XKR9: variants seen among roughly 807,000 people sequenced by gnomAD.
XKR9 encodes the protein XK-related protein 9.
Under a neutral mutation model 32.0 loss-of-function variants are expected in XKR9, and 32 were observed. That is an observed-to-expected ratio of 1.00 (90% CI 0.76 to 1.34). The LOEUF (loss-of-function observed/expected upper bound fraction) is 1.34, where lower values mean the gene tolerates loss of function less well. XKR9 is among the 40% of genes most tolerant of loss of function. XKR9 has a pLI of 0.00. For missense variants in XKR9, 546 were observed against 429.7 expected, an observed-to-expected ratio of 1.27 and a Z score of -2.39; for synonymous variants, 168 against 143.4, an observed-to-expected ratio of 1.17 and a Z score of -1.22.
chr8:71,014,358 A>G, the XKR9 span, among the ~76,000 whole-genome samples: 1 of 152,236 alleles, frequency 6.6e-6, no homozygotes, highest in Non-Finnish European at 1.5e-5. Context: ...TCTGGAGGCC[A>G]GAAGTCTGAA....
At chr8:70,780,615 C>G (rs1182418695) in intron 2 of XKR9, among the ~76,000 whole-genome samples, 2 of 152,076 alleles carry the variant, frequency 1.3e-5, no homozygotes, top group Non-Finnish European at 2.9e-5. Flanking sequence ...TTCCCTAGAA[C>G]CTTCAGAGGA....
At chr8:70,900,729 T>C in the XKR9 span, among the ~76,000 whole-genome samples, 1 of 152,216 alleles carries the variant, frequency 6.6e-6, no homozygotes, top group Non-Finnish European at 1.5e-5. Flanking sequence ...GTTACATATG[T>C]ACACATGTGC....
intron 4 of XKR9, among the ~76,000 whole-genome samples, chr8:70,729,866 C>T (rs1402650772): frequency 6.6e-6 from 1 of 152,038 alleles, no homozygotes; most frequent in East Asian, 1.9e-4. Context: ...GATTTTTATA[C>T]CAGATAAGCC....
intron 2 of XKR9, among the ~76,000 whole-genome samples, chr8:70,780,405 C>A (rs1807598583): frequency 6.6e-6 from 1 of 151,612 alleles, no homozygotes; most frequent in African/African-American, 2.4e-5. Context: ...TTAGGTGGTC[C>A]CACAAATTTT....
the XKR9 span, among the ~76,000 whole-genome samples, chr8:70,939,231 T>C: frequency 6.6e-6 from 1 of 152,208 alleles, no homozygotes; most frequent in South Asian, 2.1e-4. Flanking sequence ...TACTGAAATA[T>C]GTCCGAAAGA....
chr8:70,801,449 T>C, the XKR9 span, among the ~76,000 whole-genome samples: 1 of 152,224 alleles, frequency 6.6e-6, no homozygotes, highest in African/African-American at 2.4e-5. Context: ...GCAGGTTGTT[T>C]AATTTCCATG....
the XKR9 span, among the ~76,000 whole-genome samples, chr8:70,956,613 A>G: frequency 2.0e-5 from 3 of 152,204 alleles, no homozygotes; most frequent in South Asian, 6.2e-4. Flanking sequence ...GTCCATTTCA[A>G]GAGGTGCCTG....
intron 2 of XKR9, among the ~76,000 whole-genome samples, chr8:70,744,897 T>C (rs1275805032): frequency 6.7e-6 from 1 of 150,222 alleles, no homozygotes; most frequent in South Asian, 2.1e-4. Flanking sequence ...TGAGTTACCA[T>C]GCCAGCCTGA....
the XKR9 span, among the ~76,000 whole-genome samples, chr8:70,922,444 C>T: frequency 1.3e-5 from 2 of 152,162 alleles, no homozygotes; most frequent in Non-Finnish European, 2.9e-5. Flanking sequence ...GGGATAATTA[C>T]CTACTGTGCT....
At chr8:70,835,211 T>C in the XKR9 span, among the ~76,000 whole-genome samples, 1 of 152,106 alleles carries the variant, frequency 6.6e-6, no homozygotes, top group African/African-American at 2.4e-5. Context: ...TTCTTGAAAA[T>C]GACACTTATA....
chr8:70,803,136 G>A, the XKR9 span, among the ~76,000 whole-genome samples: 1 of 152,048 alleles, frequency 6.6e-6, no homozygotes, highest in African/African-American at 2.4e-5. Context: ...TTTCTCAGAG[G>A]TTTTTTCATT....
the XKR9 span, among the ~76,000 whole-genome samples, chr8:70,805,607 G>A: frequency 2.4e-4 from 36 of 152,338 alleles, no homozygotes; most frequent in African/African-American, 8.4e-4. Context: ...CCCAAGACAT[G>A]TTCCCCCACA....
At chr8:70,994,292 A>G in the XKR9 span, among the ~76,000 whole-genome samples, 10 of 152,100 alleles carry the variant, frequency 6.6e-5, no homozygotes, top group Non-Finnish European at 1.0e-4. Context: ...GGACAGGTCT[A>G]CTGGTGATGA....
the XKR9 span, among the ~76,000 whole-genome samples, chr8:70,899,025 T>C: frequency 1.4e-3 from 213 of 152,348 alleles, no homozygotes; most frequent in African/African-American, 4.8e-3. Flanking sequence ...GAGATCCTTC[T>C]GCCTTAGCTT....
the XKR9 span, among the ~76,000 whole-genome samples, chr8:70,861,213 G>A: frequency 6.6e-6 from 1 of 152,110 alleles, no homozygotes; most frequent in Non-Finnish European, 1.5e-5. Flanking sequence ...TTAAGAACAT[G>A]GAATCTGGAG....
At chr8:70,881,886 C>T in the XKR9 span, among the ~76,000 whole-genome samples, 3 of 152,278 alleles carry the variant, frequency 2.0e-5, no homozygotes, top group East Asian at 1.9e-4. Context: ...CAATGATAGA[C>T]TTGATTAAGA....
chr8:70,995,510 A>G, the XKR9 span, among the ~76,000 whole-genome samples: 6 of 152,176 alleles, frequency 3.9e-5, no homozygotes, highest in Non-Finnish European at 8.8e-5. Flanking sequence ...CGAGTCATGA[A>G]CAATACACTT....
At chr8:70,989,420 T>C in the XKR9 span, among the ~76,000 whole-genome samples, 1 of 152,240 alleles carries the variant, frequency 6.6e-6, no homozygotes, top group Non-Finnish European at 1.5e-5. Context: ...ATTATTAAAT[T>C]ACAAAATATT....
chr8:70,831,367 A>G, the XKR9 span, among the ~76,000 whole-genome samples: 5 of 151,738 alleles, frequency 3.3e-5, no homozygotes, highest in Non-Finnish European at 4.4e-5. Context: ...ACATTCTGCT[A>G]GAGAAAAGGA....
Sources: allele counts gnomAD v4.1 joint callset (sites outside exome capture counted in the v4.1 genomes callset), GRCh38; gene constraint gnomAD v4.1.1; transcripts MANE v1.5; gene names NCBI Gene and HGNC (gene_info 2026-07-23, HGNC 2026-07-21).